ZBED4: variants seen among roughly 807,000 people sequenced by gnomAD.
The protein encoded by ZBED4 is zinc finger BED domain-containing protein 4.
ZBED4 carries 4 observed loss-of-function variants against 15.5 expected under a neutral mutation model. The ratio of observed to expected loss-of-function variants is 0.26; its 90% confidence interval spans 0.13 to 0.59. ZBED4 has a LOEUF of 0.59. Among genes scored for constraint, ZBED4 ranks in the 20% least tolerant of loss-of-function variants. The pLI, the probability that ZBED4 is intolerant of heterozygous loss-of-function variation, is 0.90. For synonymous variants in ZBED4, 692 were observed against 608.5 expected (o/e 1.14, Z -2.02); for missense variants, 1,323 against 1,461.8 (o/e 0.91, Z 1.55).
At chr22:49,867,306 C>A (rs572065744) in intron 1 of ZBED4, among the ~76,000 whole-genome samples, 2 of 152,310 alleles carry the variant, frequency 1.3e-5, no homozygotes, top group African/African-American at 4.8e-5. Context: ...ATGTTATGGG[C>A]CAGCATGTGG....
At chr22:49,862,246 G>T (rs548986430) in intron 1 of ZBED4, among the ~76,000 whole-genome samples, 1 of 152,168 alleles carries the variant, frequency 6.6e-6, no homozygotes, top group Non-Finnish European at 1.5e-5. Flanking sequence ...CGCTTCTGCC[G>T]CAAAGTCGCT....
intron 1 of ZBED4, among the ~76,000 whole-genome samples, chr22:49,874,672 CTTTTTTTTTTT>C (rs10636316): frequency 2.7e-4 from 10 of 37,316 alleles, no homozygotes; most frequent in East Asian, 1.0e-3. Context: ...CATGCCCAGC[CTTTTTTTTTTT>C]TTTTTTTTTT....
intron 1 of ZBED4, among the ~76,000 whole-genome samples, chr22:49,871,905 C>T (rs1340279747): frequency 6.6e-6 from 1 of 151,854 alleles, no homozygotes; most frequent in African/African-American, 2.4e-5. Context: ...ACCAACATGC[C>T]CAGCTAATTT....
intron 1 of ZBED4, among the ~76,000 whole-genome samples, chr22:49,859,948 G>A (rs1349052628): frequency 6.8e-6 from 1 of 147,734 alleles, no homozygotes; most frequent in Admixed American, 6.8e-5. Flanking sequence ...GATCACTTGA[G>A]CTCAGGAGTT....
rs2060263134 is a variant in ZBED4, at chr22:49,853,943, G to GTTGCTT, written c.-376_-375insTTGCTT. The GTTGCTT allele has an allele frequency of 6.9e-6, 1 of 144,408 alleles. No homozygotes were observed. The highest frequency in any genetic ancestry group is 2.5e-5 in the African/African-American group (1 of 40,254). The allele number at this position is 144,408 out of a possible 1,614,324, so 8.9% of individuals were successfully genotyped here. On this transcript the variant is annotated 5_prime_UTR_variant, in exon 1 of 2. Coordinates refer to ENST00000216268, the MANE Select transcript of ZBED4 (RefSeq NM_014838.3). ...AATGAATGGAGCGTCCGCCCGCGCC[G>GTTGCTT]CCGTCGTCCGCAGCCGGCCGGGAGC... is the stretch of plus-strand genomic sequence containing the variant.
At chr22:49,857,113 C>T (rs1448692312) in intron 1 of ZBED4, among the ~76,000 whole-genome samples, 4 of 152,230 alleles carry the variant, frequency 2.6e-5, no homozygotes, top group African/African-American at 4.8e-5. Flanking sequence ...AGCTGCTCCT[C>T]ATCGAGGCCC....
intron 1 of ZBED4, among the ~76,000 whole-genome samples, chr22:49,878,245 C>A (rs2060388161): frequency 7.0e-6 from 1 of 142,652 alleles, no homozygotes; most frequent in South Asian, 2.2e-4. Flanking sequence ...GCGGAGGTTA[C>A]AGTGAGCCAA....
At position 49,886,778 on chromosome 22, in the gene ZBED4, C is replaced by T. The variant is rs1393072593; in HGVS notation, c.3116C>T (p.Thr1039Ile). 16 of 1,612,450 alleles carry T rather than the reference C, an allele frequency of 9.9e-6. No individual in the cohort carries two copies. The highest frequency in any genetic ancestry group is 1.4e-5 in the Non-Finnish European group (16 of 1,179,218). ...AGGGAACTCGAACTCATGAATTCTACCTCAGAGGACGTGGCTGCCTCCCAC... is the reference window on the plus strand; with the variant it reads ...AGGGAACTCGAACTCATGAATTCTATCTCAGAGGACGTGGCTGCCTCCCAC... ...LIRELELMNS[T>I]SEDVAASHRC... The change falls in exon 2 of 2, where the codon ACC becomes ATC. Residue 1039 changes from threonine (T) to isoleucine (I), a missense_variant. By Grantham distance (89) the Thr-to-Ile change is moderately conservative (BLOSUM62 -1). Around this residue, in one of 6 missense-constraint regions of ZBED4, gnomAD observed 312 missense variants for 410.7 expected, o/e 0.76. Transcript: ENST00000216268. This position sits in a 1 kb window ranked among gnomAD's most constrained non-coding sequence, Gnocchi z 7.7.
At chr22:49,865,552 G>C (rs2060318644) in intron 1 of ZBED4, among the ~76,000 whole-genome samples, 1 of 152,108 alleles carries the variant, frequency 6.6e-6, no homozygotes, top group East Asian at 1.9e-4. Flanking sequence ...GCAGGCACCT[G>C]TAATCCCAGC....
At chr22:49,858,552 C>T (rs906724360) in intron 1 of ZBED4, among the ~76,000 whole-genome samples, 1 of 152,180 alleles carries the variant, frequency 6.6e-6, no homozygotes, top group Non-Finnish European at 1.5e-5. Flanking sequence ...CGTCCCTTGC[C>T]CCCAGCTGGA....
In ZBED4 at chr22:49,886,540, A is replaced by G. The variant is rs759215440; in HGVS notation, c.2878A>G (p.Met960Val). The change falls in exon 2 of 2, where the codon ATG becomes GTG. Residue 960 changes from methionine to valine, a missense_variant. Physicochemically the swap from Met to Val is conservative, Grantham distance 21. Around this residue, in one of 6 missense-constraint regions of ZBED4, gnomAD observed 312 missense variants for 410.7 expected, o/e 0.76. Coordinates refer to ENST00000216268, the MANE Select transcript of ZBED4 (RefSeq NM_014838.3). The surrounding 1 kb of genome is among the most constrained non-coding windows in gnomAD (Gnocchi z 7.7). Reference sequence around the variant, plus strand: ...GTCCACCCTCAGCCAGGTCATCCCCATGGTACACATCCTCAACAGGAAGGT... The same window carrying G: ...GTCCACCCTCAGCCAGGTCATCCCCGTGGTACACATCCTCAACAGGAAGGT... The part of the protein sequence containing the change: ...QMSTLSQVIP[M>V]VHILNRKVEM... The G allele has an allele frequency of 3.2e-6, 5 of 1,568,146 alleles. No homozygotes were observed. The highest frequency in any genetic ancestry group is 2.2e-5 in the East Asian group (1 of 44,562).
chr22:49,876,756 A>T (rs1382525368), intron 1 of ZBED4, among the ~76,000 whole-genome samples: 2 of 152,224 alleles, frequency 1.3e-5, no homozygotes, highest in Non-Finnish European at 1.5e-5. Context: ...TTGCTCGAGT[A>T]TATCGACTTT....
At chr22:49,882,221 G>A (rs2060413103) in intron 1 of ZBED4, among the ~76,000 whole-genome samples, 1 of 152,170 alleles carries the variant, frequency 6.6e-6, no homozygotes, top group Non-Finnish European at 1.5e-5. Flanking sequence ...CCCTTGAAGA[G>A]TTCTCCCACT....
At position 49,887,062 on chromosome 22, in the gene ZBED4, C is replaced by G. The variant is rs1051842414; in HGVS notation, c.3400C>G (p.Leu1134Val). ...CCCAAGCATCGTCCCTTCAGAAAAG[C>G]TGTTCAACACACCCACTGAGAACGG... ...CPPSIVPSEK[L>V]FNTPTENGSL... The change falls in exon 2 of 2, where the codon CTG (leucine) becomes GTG (valine). Residue 1134 changes from leucine (L) to valine (V), a missense_variant. Transcript: ENST00000216268. 1.2e-6 allele frequency: 2 copies of G among 1,614,204 alleles called. No individual in the cohort carries two copies. Among genetic ancestry groups the G allele is most frequent in the East Asian group, 4.5e-5 (2 of 44,894 alleles).
At chr22:49,869,393 C>G (rs1342185612) in intron 1 of ZBED4, among the ~76,000 whole-genome samples, 1 of 152,216 alleles carries the variant, frequency 6.6e-6, no homozygotes, top group African/African-American at 2.4e-5. Context: ...CGCTCGTCCT[C>G]CAGACCAGAT....
chr22:49,854,362 C>T (rs981660074), intron 1 of ZBED4, among the ~76,000 whole-genome samples: 1 of 151,840 alleles, frequency 6.6e-6, no homozygotes, highest in Non-Finnish European at 1.5e-5. Flanking sequence ...CGAGTTAACC[C>T]CGCGAGCCCC....
In ZBED4 at chr22:49,883,714, GATAAA is replaced by G. The variant is rs773259984; in HGVS notation, c.58_62del (p.Ile20ValfsTer2). The G allele has an allele frequency of 1.5e-5, 24 of 1,606,934 alleles. No homozygotes were observed. Among genetic ancestry groups the G allele is most frequent in the East Asian group, 2.2e-5 (1 of 44,702 alleles). On this transcript the variant is annotated frameshift_variant, in exon 2 of 2. Coordinates refer to ENST00000216268, the MANE Select transcript of ZBED4 (RefSeq NM_014838.3). LOFTEE classifies it low-confidence loss of function (END_TRUNC). ...CAAAGAGGACGGTGATTTCGTTTCT[GATAAA>G]ATAAAGTTTAAAATAGAAGAGGAAG...
Position 49,885,845 on chromosome 22 carries a change from T to C in ZBED4, c.2183T>C (p.Ile728Thr). 2 of 1,478,392 alleles carry C rather than the reference T, an allele frequency of 1.4e-6. No homozygotes were observed. The highest frequency in any genetic ancestry group is 1.9e-6 in the Non-Finnish European group (2 of 1,057,144). The allele number at this position is 1,478,392 out of a possible 1,614,324, so 91.6% of individuals were successfully genotyped here. A position where few individuals can be genotyped will look rare whatever the true frequency, so the allele number is the denominator to read the frequency against. ...SHLKEAESGV[I>T]HFTSGIWMSN... Reference sequence around the variant, plus strand: ...CTTAAGGAAGCTGAGAGTGGTGTGATCCACTTCACGTCTGGAATATGGATG... The same window carrying C: ...CTTAAGGAAGCTGAGAGTGGTGTGACCCACTTCACGTCTGGAATATGGATG... Residue 728 changes from isoleucine to threonine, a missense_variant, in exon 2 of 2, where the codon ATC (isoleucine) becomes ACC (threonine). Ile to Thr is a moderately conservative substitution (Grantham distance 89, BLOSUM62 -1). Around this residue, in one of 6 missense-constraint regions of ZBED4, gnomAD observed 89 missense variants for 129.8 expected, o/e 0.69. Coordinates refer to ENST00000216268, the MANE Select transcript of ZBED4 (RefSeq NM_014838.3).
In ZBED4 at chr22:49,862,519, A is replaced by G. The variant is rs916131314; in HGVS notation, c.-330+8530A>G. ...ATGAGTCATATGATAAGATGGACACAGTTGTAACTGGTGCTTGGGTCAAGA... is the reference window on the plus strand; with the variant it reads ...ATGAGTCATATGATAAGATGGACACGGTTGTAACTGGTGCTTGGGTCAAGA... On this transcript the variant is annotated intron_variant, in intron 1 of 1. Coordinates refer to ENST00000216268, the MANE Select transcript of ZBED4 (RefSeq NM_014838.3). 1.6e-4 allele frequency among the ~76,000 whole-genome samples: 25 copies of G among 152,240 alleles called. 2 individuals carry two copies. The South Asian group carries it at 1.9e-3, about 11-fold the overall frequency.
Sources: gnomAD v4.1 joint callset for allele counts (sites outside exome capture counted in the v4.1 genomes callset) on GRCh38, gnomAD v4.1.1 for gene constraint, gnomAD v4.1.1 regional missense constraint, Gnocchi (gnomAD v3.1) non-coding constraint, MANE v1.5 for transcripts, NCBI Gene and HGNC (gene_info 2026-07-23, HGNC 2026-07-21) for gene names.